Variants in BMPR2 observed in about 807,000 individuals in gnomAD.
BMPR2 encodes the protein bone morphogenetic protein receptor type 2, also known as bone morphogenetic protein receptor type-2.
BMPR2 carries 29 observed loss-of-function variants against 100.8 expected under a neutral mutation model. The ratio of observed to expected loss-of-function variants is 0.29; its 90% confidence interval spans 0.21 to 0.39. The LOEUF is 0.39. Among genes scored for constraint, BMPR2 ranks in the 10% least tolerant of loss-of-function variants. The pLI, the probability that BMPR2 is intolerant of heterozygous loss-of-function variation, is 1.00. For synonymous variants in BMPR2, 382 were observed against 442.3 expected (o/e 0.86, Z 1.71); for missense variants, 1,011 against 1,274.5 (o/e 0.79, Z 3.15).
chr2:202,407,895 G>A lies in BMPR2; in HGVS notation c.76+30345G>A, dbSNP rs984709984. Among the ~76,000 whole-genome samples, 8 of 150,200 alleles carry A rather than the reference G, an allele frequency of 5.3e-5. No individual in the cohort carries two copies. The Admixed American group carries it at 5.3e-4, about 10-fold the overall frequency. ...GTAGCCCAGGCTGAAGTGCAGTGGC[G>A]TGATCTCGGCTCACTGCAAGCTCCG... On this transcript the variant is annotated intron_variant, in intron 1 of 12. Transcript: ENST00000374580.
chr2:202,551,017 C>T (rs1688468084), intron 10 of BMPR2, among the ~76,000 whole-genome samples: 1 of 134,112 alleles, frequency 7.5e-6, no homozygotes, highest in African/African-American at 2.9e-5. Context: ...AGTGCAATGG[C>T]GCGATCTCGG....
intron 1 of BMPR2, among the ~76,000 whole-genome samples, chr2:202,387,626 A>C (rs537605975): frequency 6.6e-6 from 1 of 152,342 alleles, no homozygotes; most frequent in African/African-American, 2.4e-5. Context: ...ATGACAGCAA[A>C]TATCTTAGGT....
intron 1 of BMPR2, among the ~76,000 whole-genome samples, chr2:202,439,574 C>G (rs1214607445): frequency 1.3e-5 from 2 of 149,272 alleles, no homozygotes; most frequent in Non-Finnish European, 2.9e-5. Context: ...TGTTCTTTTT[C>G]TTTCTTCTTT....
rs771255805 is a variant in BMPR2, at chr2:202,376,542, G to GGCGGCGGCGGCA, written c.-928_-927insGGCGGCAGCGGC. 2.8e-5 allele frequency among the ~76,000 whole-genome samples: 4 copies of GGCGGCGGCGGCA among 141,414 alleles called. No individual in the cohort carries two copies. Among genetic ancestry groups the GGCGGCGGCGGCA allele is most frequent in the African/African-American group, 5.2e-5 (2 of 38,330 alleles). 92.8% of individuals were successfully genotyped at this position (141,414 alleles called of 152,430 possible). A position where few individuals can be genotyped will look rare whatever the true frequency, so the allele number is the denominator to read the frequency against. On this transcript the variant is annotated 5_prime_UTR_variant, in exon 1 of 13. Transcript: ENST00000374580. ...CGGCGGCGGCGGCGGCGGCGGCGGC[G>GGCGGCGGCGGCA]GCGGCAGCAGCAGCGGCTTCCTCGG...
chr2:202,536,638 C>T (rs891692240), intron 9 of BMPR2, among the ~76,000 whole-genome samples: 2 of 151,718 alleles, frequency 1.3e-5, no homozygotes, highest in Admixed American at 6.6e-5. Context: ...CTTAGGAGGC[C>T]GAGGCAAGTG....
intron 3 of BMPR2, among the ~76,000 whole-genome samples, chr2:202,489,357 G>A (rs1015658251): frequency 3.3e-5 from 5 of 152,040 alleles, no homozygotes; most frequent in Non-Finnish European, 5.9e-5. Flanking sequence ...TAAAGTAAAT[G>A]GAGATATGAA....
intron 9 of BMPR2, among the ~76,000 whole-genome samples, chr2:202,534,001 G>A (rs1688076744): frequency 6.6e-6 from 1 of 151,996 alleles, no homozygotes; most frequent in Non-Finnish European, 1.5e-5. Flanking sequence ...TTTGATCTGT[G>A]TGGCCACTGT....
intron 1 of BMPR2, among the ~76,000 whole-genome samples, chr2:202,412,146 A>C (rs1025478243): frequency 3.3e-5 from 5 of 152,190 alleles, no homozygotes; most frequent in Non-Finnish European, 2.9e-5. Flanking sequence ...TTTTCCAACT[A>C]AAAAGTTGAA....
intron 7 of BMPR2, among the ~76,000 whole-genome samples, chr2:202,522,429 C>A (rs1687834040): frequency 2.0e-5 from 3 of 151,382 alleles, no homozygotes; most frequent in African/African-American, 7.3e-5. Flanking sequence ...ATCGTTTGAA[C>A]CTGGGAGGCA....
At position 202,510,982 on chromosome 2, in the gene BMPR2, G is replaced by GTT. The variant is rs370738313; in HGVS notation, c.419-2720_419-2719dup. Reference sequence around the variant, plus strand: ...GAGTGAGCCACCGCACCTGGCTTTAGTTTTTTTTTTTTTTTTTTGATTGAA... The same window carrying GTT: ...GAGTGAGCCACCGCACCTGGCTTTAGTTTTTTTTTTTTTTTTTTTTGATTGAA... On this transcript the variant is annotated intron_variant, in intron 3 of 12. Transcript: ENST00000374580. Among the ~76,000 whole-genome samples the GTT allele has an allele frequency of 5.5e-4, 72 of 132,008 alleles. 3 individuals are homozygous for GTT. The highest frequency in any genetic ancestry group is 1.7e-3 in the South Asian group (7 of 4,230). The allele number at this position is 132,008 out of a possible 152,430, so 86.6% of individuals were successfully genotyped here. A position where few individuals can be genotyped will look rare whatever the true frequency, so the allele number is the denominator to read the frequency against.
At chr2:202,516,140 G>A (rs1356640962) in intron 5 of BMPR2, among the ~76,000 whole-genome samples, 2 of 152,006 alleles carry the variant, frequency 1.3e-5, no homozygotes, top group African/African-American at 2.4e-5. Flanking sequence ...CATGATGAGT[G>A]TTTTTATATT....
chr2:202,459,984 A>G (rs1333812834), intron 1 of BMPR2, among the ~76,000 whole-genome samples: 2 of 152,054 alleles, frequency 1.3e-5, no homozygotes, highest in East Asian at 2.0e-4. Context: ...AGACATGCAT[A>G]TGGCCAACAA....
At chr2:202,498,793 G>C (rs891469486) in intron 3 of BMPR2, among the ~76,000 whole-genome samples, 10 of 152,068 alleles carry the variant, frequency 6.6e-5, no homozygotes, top group Non-Finnish European at 1.5e-4. Context: ...GGCCACCTGA[G>C]GGCAGTACAA....
intron 1 of BMPR2, among the ~76,000 whole-genome samples, chr2:202,400,845 T>C (rs1461298214): frequency 2.6e-5 from 4 of 152,210 alleles, no homozygotes; most frequent in African/African-American, 9.6e-5. Context: ...GTTTTATTCA[T>C]GTAAATCAAT....
intron 10 of BMPR2, among the ~76,000 whole-genome samples, chr2:202,551,018 G>A (rs865921676): frequency 3.5e-5 from 5 of 141,350 alleles, no homozygotes; most frequent in Non-Finnish European, 6.0e-5. Context: ...GTGCAATGGC[G>A]CGATCTCGGC....
intron 10 of BMPR2, among the ~76,000 whole-genome samples, chr2:202,550,215 AAAAC>A (rs1310182485): frequency 1.3e-5 from 2 of 151,876 alleles, no homozygotes; most frequent in African/African-American, 4.8e-5. Context: ...TAAAAATACA[AAAAC>A]AAAATTAGCC....
intron 10 of BMPR2, among the ~76,000 whole-genome samples, chr2:202,546,585 C>G (rs1236571798): frequency 6.6e-6 from 1 of 152,078 alleles, no homozygotes; most frequent in Non-Finnish European, 1.5e-5. Flanking sequence ...CAATCACATA[C>G]ACATGGTTTT....
At position 202,377,072 on chromosome 2, in the gene BMPR2, C is replaced by G. The variant is rs955118261; in HGVS notation, c.-403C>G. The G allele has an allele frequency of 9.4e-6, 5 of 532,164 alleles. No homozygotes were observed. Among genetic ancestry groups the G allele is most frequent in the Non-Finnish European group, 1.6e-5 (5 of 304,050 alleles). 33.0% of individuals were successfully genotyped at this position (532,164 alleles called of 1,614,324 possible). On this transcript the variant is annotated 5_prime_UTR_variant, in exon 1 of 13. Coordinates refer to ENST00000374580, the MANE Select transcript of BMPR2 (RefSeq NM_001204.7). ...CGGGAACTAGTTCTGACCCTCGCCC[C>G]CCGACCCCGGATCGAATCCCCGCCC...
In BMPR2 at chr2:202,504,783, G is replaced by A. The variant is rs185032335; in HGVS notation, c.419-8936G>A. Reference sequence around the variant, plus strand: ...CAACCTCCACCCTTCGAGTTCAAGCGATTCTCCTGCCTCAGCCTCCCGAGT... The same window carrying A: ...CAACCTCCACCCTTCGAGTTCAAGCAATTCTCCTGCCTCAGCCTCCCGAGT... On this transcript the variant is annotated intron_variant, in intron 3 of 12. Transcript: ENST00000374580. 3.7e-4 allele frequency among the ~76,000 whole-genome samples: 56 copies of A among 149,462 alleles called. 1 individual carries two copies. Among genetic ancestry groups the A allele is most frequent in the Admixed American group, 8.8e-4 (13 of 14,840 alleles).
Sources: gnomAD v4.1 joint callset for allele counts (sites outside exome capture counted in the v4.1 genomes callset) on GRCh38, gnomAD v4.1.1 for gene constraint, MANE v1.5 for transcripts, NCBI Gene and HGNC (gene_info 2026-07-23, HGNC 2026-07-21) for gene names.